XAGE5: variants seen among roughly 807,000 people sequenced by gnomAD.
XAGE5 encodes X antigen family member 5.
A neutral mutation model predicts 13.1 loss-of-function variants in XAGE5; 13 were observed. The observed-to-expected ratio is 0.99, with a 90% confidence interval of 0.64 to 1.57. The LOEUF is 1.57. Ranked by LOEUF, XAGE5 falls within the 40% of genes most tolerant of loss-of-function variation. XAGE5 has a pLI of 0.00. For synonymous variants in XAGE5, 17 were observed against 25.0 expected (o/e 0.68, Z 0.96); for missense variants, 86 against 77.6 (o/e 1.11, Z -0.41).
intron 4 of XAGE5, among the ~76,000 whole-genome samples, chrX:52,814,006 A>G (rs782635767): frequency 9.0e-5 from 10 of 111,612 alleles, no homozygotes; most frequent in Middle Eastern, 4.6e-3. Context: ...CCATCTCAAA[A>G]AATGAAAATA....
At chrX:52,815,755 T>C (rs1569184430) in intron 5 of XAGE5, among the ~76,000 whole-genome samples, 1 of 112,233 alleles carries the variant, frequency 8.9e-6, no homozygotes, top group Non-Finnish European at 1.9e-5. Flanking sequence ...ATTTTCATGA[T>C]TTGTTTATCA....
At chrX:52,812,416 G>A (rs1275866763) in intron 2 of XAGE5, 143 bp from the exon 3 acceptor site, 21 of 433,143 alleles carry the variant, frequency 4.8e-5, no homozygotes, top group Non-Finnish European at 7.4e-5. Context: ...GGGATTACAG[G>A]TGCTCGCTAC....
intron 3 of XAGE5, 127 bp downstream of exon 3, chrX:52,812,765 A>T: frequency 1.5e-6 from 1 of 647,245 alleles, no homozygotes; most frequent in Non-Finnish European, 2.4e-6. Context: ...ATGGCATCTC[A>T]TGAAGGAAAG....
At chrX:52,812,755 A>T in intron 3 of XAGE5, 117 bp downstream of exon 3, 1 of 669,840 alleles carries the variant, frequency 1.5e-6, no homozygotes, top group Non-Finnish European at 2.3e-6. Flanking sequence ...AAAAATGATC[A>T]TGGCATCTCA....
At chrX:52,813,535 T>C (rs1416577162) in intron 4 of XAGE5, among the ~76,000 whole-genome samples, 1 of 111,681 alleles carries the variant, frequency 9.0e-6, no homozygotes, top group Non-Finnish European at 1.9e-5. Flanking sequence ...AAAATGTACA[T>C]TATTTCACCA....
chrX:52,815,303 T>C, intron 5 of XAGE5, 86 bp downstream of exon 5: 1 of 1,028,551 alleles, frequency 9.7e-7, no homozygotes, highest in African/African-American at 1.9e-5. Context: ...AGAATATTAC[T>C]GCCCCTTTAG....
Position 52,812,545 on chromosome X carries a change from T to C in XAGE5, c.-8-14T>C. ...CCCCTCAGCCTCCCAAAGTGCACAC[T>C]ATTCTGTTTGCAGACTGAAATATGA... is the stretch of plus-strand genomic sequence containing the variant. On this transcript the variant is annotated splice_polypyrimidine_tract_variant and intron_variant, in intron 2 of 5. Coordinates refer to ENST00000375501, the MANE Select transcript of XAGE5 (RefSeq NM_001386970.1). The C allele has an allele frequency of 8.3e-7, 1 of 1,205,362 alleles. No individual in the cohort carries two copies. The highest frequency in any genetic ancestry group is 1.8e-5 in the South Asian group (1 of 56,597).
At chrX:52,817,624 C>T (rs1392603251) in intron 5 of XAGE5, among the ~76,000 whole-genome samples, 1 of 111,969 alleles carries the variant, frequency 8.9e-6, no homozygotes, top group Admixed American at 9.5e-5. Flanking sequence ...CACTTCTTCA[C>T]GATAGAGAAA....
intron 3 of XAGE5, 60 bp downstream of exon 3, chrX:52,812,698 T>C (rs1926823951): frequency 9.8e-7 from 1 of 1,023,213 alleles, no homozygotes; most frequent in Non-Finnish European, 1.4e-6. Flanking sequence ...GTGGTAGTTA[T>C]TGTTGAACTA....
intron 5 of XAGE5, among the ~76,000 whole-genome samples, chrX:52,815,546 G>A (rs1926890694): frequency 1.8e-5 from 2 of 112,643 alleles, no homozygotes; most frequent in Admixed American, 1.9e-4. Context: ...ACCTCTTTGT[G>A]TGAAATATGC....
rs782333600 is a variant in XAGE5, at chrX:52,818,169, T to A, written c.305-22T>A. 5 of 1,208,921 alleles carry A rather than the reference T, an allele frequency of 4.1e-6. No homozygotes were observed. In the African/African-American group the frequency reaches 8.7e-5, roughly 21 times the overall value. On this transcript the variant is annotated intron_variant, in intron 5 of 5. Transcript: ENST00000375501. ...ATACAGTTCTGCTAGTAATGTTCCC[T>A]CCTGTTATGTTTCTATTGCAGGGGA... is the stretch of plus-strand genomic sequence containing the variant.
chrX:52,815,247 G>A, intron 5 of XAGE5, 30 bp downstream of exon 5: 1 of 1,183,355 alleles, frequency 8.5e-7, no homozygotes, highest in Non-Finnish European at 1.1e-6. Flanking sequence ...TAAAAATTAT[G>A]TGCTTTCTGT....
At position 52,812,618 on chromosome X, in the gene XAGE5, C is replaced by T. The variant is rs782002513; in HGVS notation, c.52C>T (p.Gln18Ter). Residue 18 changes from glutamine to a stop codon, truncating the protein, a stop_gained, in exon 3 of 6, where the codon CAG (glutamine) becomes TAG (stop). Coordinates refer to ENST00000375501, the MANE Select transcript of XAGE5 (RefSeq NM_001386970.1). LOFTEE classifies it high-confidence loss of function. The stretch of plus-strand genomic sequence containing the variant: ...ACCAAGACGATGTTTACGACTTGCT[C>T]AGCTGGTTGGGCCTATGCTTGTGAG... ...YRPRRCLRLA[Q>*]LVGPMLEPSV... 11 of 1,209,920 alleles carry T rather than the reference C, an allele frequency of 9.1e-6. No individual in the cohort carries two copies. The highest frequency in any genetic ancestry group is 1.1e-5 in the Non-Finnish European group (10 of 895,180).
chrX:52,812,439 C>A (rs1926817050), intron 2 of XAGE5, 120 bp from the exon 3 acceptor site: 4 of 548,563 alleles, frequency 7.3e-6, no homozygotes, highest in Non-Finnish European at 8.8e-6. Context: ...CACCCAGCTA[C>A]GTTTTTGTAT....
intron 3 of XAGE5, 144 bp from the exon 4 acceptor site, chrX:52,812,996 T>G: frequency 2.0e-6 from 1 of 510,427 alleles, no homozygotes. Context: ...GGAATCGTTT[T>G]GGGATAGTGT....
At chrX:52,812,496 G>A (rs1926818292) in intron 2 of XAGE5, 63 bp from the exon 3 acceptor site, 1 of 1,062,581 alleles carries the variant, frequency 9.4e-7, no homozygotes, top group Non-Finnish European at 1.3e-6. Context: ...CTGGCCTCGA[G>A]CTTCTGACCT....
chrX:52,811,585 G>A lies in XAGE5; in HGVS notation c.-143G>A, dbSNP rs1214498849. Among the ~76,000 whole-genome samples the A allele has an allele frequency of 4.5e-5, 5 of 111,032 alleles. No individual in the cohort carries two copies. Among genetic ancestry groups the A allele is most frequent in the Non-Finnish European group, 9.4e-5 (5 of 52,971 alleles). On this transcript the variant is annotated 5_prime_UTR_variant, in exon 2 of 6. Coordinates refer to ENST00000375501, the MANE Select transcript of XAGE5 (RefSeq NM_001386970.1). ...AGGAAGAAGGAGGGCTTCGGAGTGC[G>A]ACGGGGGTTAGGTGAAGCTGGGGCA... is the stretch of plus-strand genomic sequence containing the variant.
rs782212840 is a variant in XAGE5, at chrX:52,815,296, A to G, written c.304+79A>G. The G allele has an allele frequency of 2.9e-4, 304 of 1,045,592 alleles. 3 individuals carry two copies. The African/African-American group carries it at 4.2e-3, about 14-fold the overall frequency. The allele number at this position is 1,045,592 out of a possible 1,213,427, so 86.2% of individuals were successfully genotyped here. ...ATACTTTTGATAATAAAAGGAGAGAATATTACTGCCCCTTTAGAAATAGAG... is the reference window on the plus strand; with the variant it reads ...ATACTTTTGATAATAAAAGGAGAGAGTATTACTGCCCCTTTAGAAATAGAG... On this transcript the variant is annotated intron_variant, in intron 5 of 5. Coordinates refer to ENST00000375501, the MANE Select transcript of XAGE5 (RefSeq NM_001386970.1).
At chrX:52,817,908 G>A (rs1926938995) in intron 5 of XAGE5, among the ~76,000 whole-genome samples, 1 of 111,651 alleles carries the variant, frequency 9.0e-6, no homozygotes, top group South Asian at 3.7e-4. Context: ...CCTTTTGATA[G>A]ATGCACTTGA....
Sources: allele counts gnomAD v4.1 joint callset (sites outside exome capture counted in the v4.1 genomes callset), GRCh38; gene constraint gnomAD v4.1.1; transcripts MANE v1.5; gene names NCBI Gene and HGNC (gene_info 2026-07-23, HGNC 2026-07-21).